Variants in ATP10A observed in about 807,000 individuals in gnomAD.
ATP10A encodes phospholipid-transporting ATPase VA.
In ATP10A, 111 loss-of-function variants were observed where a neutral mutation model predicts 147.8. That is an observed-to-expected ratio of 0.75 (90% confidence interval 0.64 to 0.88). ATP10A has a LOEUF of 0.88. Among genes scored for constraint, ATP10A ranks in the 40% least tolerant of loss-of-function variants. ATP10A has a pLI of 0.00. For synonymous variants in ATP10A, 875 were observed against 841.6 expected (o/e 1.04, Z -0.69); for missense variants, 1,927 against 1,959.0 (o/e 0.98, Z 0.31).
In ATP10A at chr15:25,713,943, C is replaced by A; in HGVS notation, c.2075G>T (p.Arg692Leu). The change falls in exon 10 of 21, where the codon CGG becomes CTG. Residue 692 changes from arginine (R) to leucine (L), a missense_variant. By Grantham distance (102) the Arg-to-Leu change is moderately radical. Coordinates refer to ENST00000555815, the MANE Select transcript of ATP10A (RefSeq NM_024490.4). ...CTCATCCGGGCTCTCCGCCTCGTAC[C>A]GCAGCTCGCGCTCTGACTCCTGCTC... ...AQEQESEREL[R>L]YEAESPDEAA... The A allele has an allele frequency of 1.9e-6, 3 of 1,611,078 alleles. No homozygotes were observed. The highest frequency in any genetic ancestry group is 2.5e-6 in the Non-Finnish European group (3 of 1,179,986).
chr15:25,761,183 C>T (rs1460001638), intron 2 of ATP10A, among the ~76,000 whole-genome samples: 1 of 152,184 alleles, frequency 6.6e-6, no homozygotes, highest in Non-Finnish European at 1.5e-5. Flanking sequence ...GAAAAAAGGA[C>T]ACACTGTATT....
chr15:25,803,302 G>C (rs60015108), intron 1 of ATP10A, among the ~76,000 whole-genome samples: 2,325 of 152,272 alleles, frequency 0.015, 56 homozygotes, highest in African/African-American at 0.052. Flanking sequence ...GCATTCATGC[G>C]TTCATTCAGG....
At chr15:25,681,430 G>A (rs931432562) in intron 17 of ATP10A, among the ~76,000 whole-genome samples, 1 of 152,008 alleles carries the variant, frequency 6.6e-6, no homozygotes, top group African/African-American at 2.4e-5. Flanking sequence ...CCTTTACCTC[G>A]CTAAATATGC....
intron 2 of ATP10A, among the ~76,000 whole-genome samples, chr15:25,768,255 G>C (rs528746988): frequency 6.6e-6 from 1 of 152,346 alleles, no homozygotes; most frequent in East Asian, 1.9e-4. Flanking sequence ...GTGAGCGGCA[G>C]GGGCTCCTGG....
At chr15:25,675,077 C>G (rs913280202), downstream of ATP10A, among the ~76,000 whole-genome samples, 36 of 152,302 alleles carry the variant, frequency 2.4e-4, no homozygotes, top group African/African-American at 8.7e-4. Context: ...GGTGTGCGCA[C>G]GCTGCTCGGG....
chr15:25,844,415 T>C (rs1263291785), intron 1 of ATP10A, among the ~76,000 whole-genome samples: 1 of 152,206 alleles, frequency 6.6e-6, no homozygotes, highest in Non-Finnish European at 1.5e-5. Context: ...AAGAGATATT[T>C]TTCTATTTTA....
intron 1 of ATP10A, among the ~76,000 whole-genome samples, chr15:25,817,675 C>A (rs1430087422): frequency 6.6e-6 from 1 of 152,162 alleles, no homozygotes. Context: ...TGGGAGGACA[C>A]TGATCATCAC....
intron 7 of ATP10A, 117 bp from the exon 8 acceptor site, chr15:25,718,516 TCAC>T: frequency 9.6e-7 from 1 of 1,038,360 alleles, no homozygotes. Context: ...CCCACAGGAT[TCAC>T]CACCCTTGCT....
intron 3 of ATP10A, among the ~76,000 whole-genome samples, chr15:25,734,339 C>A (rs1887138790): frequency 6.6e-6 from 1 of 152,192 alleles, no homozygotes; most frequent in Non-Finnish European, 1.5e-5. Context: ...AGAAAGTCGG[C>A]CCCTTATTTA....
chr15:25,698,228 G>A (rs1268933099), intron 13 of ATP10A, among the ~76,000 whole-genome samples: 6 of 152,104 alleles, frequency 3.9e-5, no homozygotes, highest in Admixed American at 2.0e-4. Flanking sequence ...AATTATGTAT[G>A]GCATACATGA....
intron 1 of ATP10A, among the ~76,000 whole-genome samples, chr15:25,821,987 C>T (rs1891912150): frequency 1.3e-5 from 2 of 152,134 alleles, no homozygotes; most frequent in Admixed American, 6.5e-5. Context: ...GTCCCCCATA[C>T]CAAAATTCAC....
chr15:25,836,304 GCTATATAA>G (rs1196731252), intron 1 of ATP10A, among the ~76,000 whole-genome samples: 3 of 152,078 alleles, frequency 2.0e-5, no homozygotes, highest in African/African-American at 7.2e-5. Flanking sequence ...TCTTTTCCCA[GCTATATAA>G]CTTCAACTCT....
At chr15:25,805,125 C>T (rs1891123879) in intron 1 of ATP10A, among the ~76,000 whole-genome samples, 1 of 152,190 alleles carries the variant, frequency 6.6e-6, no homozygotes, top group South Asian at 2.1e-4. Flanking sequence ...CACACGGGGC[C>T]CCGGCAGCCT....
chr15:25,804,824 T>G (rs998789181), intron 1 of ATP10A, among the ~76,000 whole-genome samples: 1 of 152,268 alleles, frequency 6.6e-6, no homozygotes. Flanking sequence ...CAAATAAGTG[T>G]TTGTTGAATA....
chr15:25,747,889 G>A (rs1474547366), intron 2 of ATP10A, among the ~76,000 whole-genome samples: 1 of 152,016 alleles, frequency 6.6e-6, no homozygotes, highest in Non-Finnish European at 1.5e-5. Flanking sequence ...AAGCTGGCAT[G>A]GGCTTTATAC....
intron 3 of ATP10A, among the ~76,000 whole-genome samples, chr15:25,733,578 C>T (rs67547956): frequency 0.26 from 39,737 of 152,188 alleles, 6,352 homozygotes; most frequent in African/African-American, 0.42. Context: ...CCCTCCTGAC[C>T]TGTCTGGCTG....
At chr15:25,768,757 G>A (rs1345233434) in intron 2 of ATP10A, among the ~76,000 whole-genome samples, 1 of 138,372 alleles carries the variant, frequency 7.2e-6, no homozygotes, top group Non-Finnish European at 1.5e-5. Context: ...TCAAACTCCT[G>A]GGTTTATGTG....
chr15:25,801,699 A>C (rs930847929), intron 1 of ATP10A, among the ~76,000 whole-genome samples: 2 of 152,176 alleles, frequency 1.3e-5, no homozygotes, highest in African/African-American at 4.8e-5. Context: ...CGTGACGCTG[A>C]TGTGTCTCTG....
chr15:25,849,605 G>C lies in ATP10A; in HGVS notation c.449+13043C>G, dbSNP rs377013363. On this transcript the variant is annotated intron_variant, in intron 1 of 20. Coordinates refer to ENST00000555815, the MANE Select transcript of ATP10A (RefSeq NM_024490.4). Reference sequence around the variant, plus strand: ...GGATAGGAAACTGAAAGGAGAAAAAGAGAAAAGACCAGAAACGGAGGAATT... The same window carrying C: ...GGATAGGAAACTGAAAGGAGAAAAACAGAAAAGACCAGAAACGGAGGAATT... Among the ~76,000 whole-genome samples the C allele has an allele frequency of 4.8e-4, 73 of 152,308 alleles. 1 individual carries two copies. The Middle Eastern group carries it at 0.01, about 21-fold the overall frequency.
Sources: allele counts gnomAD v4.1 joint callset (sites outside exome capture counted in the v4.1 genomes callset), GRCh38; gene constraint gnomAD v4.1.1; transcripts MANE v1.5; gene names NCBI Gene and HGNC (gene_info 2026-07-23, HGNC 2026-07-21).